Variants in SLC28A1 observed in about 807,000 individuals in gnomAD.
SLC28A1 encodes sodium/nucleoside cotransporter 1.
Under a neutral mutation model 74.8 loss-of-function variants are expected in SLC28A1, and 64 were observed. The observed-to-expected ratio is 0.86, with a 90% CI of 0.70 to 1.05. The LOEUF (loss-of-function observed/expected upper bound fraction) is 1.05. Among genes scored for constraint, SLC28A1 ranks in the 50% least tolerant of loss-of-function variants. The pLI, the probability that SLC28A1 is intolerant of heterozygous loss-of-function variation, is 0.00. For synonymous variants in SLC28A1, 359 were observed against 335.0 expected, an observed-to-expected ratio of 1.07 and a Z score of -0.78; for missense variants, 828 against 822.8, an observed-to-expected ratio of 1.01 and a Z score of -0.08.
At chr15:84,899,721 A>T (rs942460336) in intron 6 of SLC28A1, among the ~76,000 whole-genome samples, 1 of 152,156 alleles carries the variant, frequency 6.6e-6, no homozygotes, top group African/African-American at 2.4e-5. Flanking sequence ...TTTCAGACAT[A>T]AAAAGCAGAT....
intron 16 of SLC28A1, among the ~76,000 whole-genome samples, chr15:84,943,960 A>G (rs1973007985): frequency 6.6e-6 from 1 of 152,006 alleles, no homozygotes. Context: ...CTAGCCCTAG[A>G]ATTCCGATTC....
chr15:84,962,015 A>C, the SLC28A1 span, among the ~76,000 whole-genome samples: 3 of 152,108 alleles, frequency 2.0e-5, no homozygotes, highest in Non-Finnish European at 4.4e-5. Flanking sequence ...CATAAAAGCT[A>C]TCGGAAGTTG....
At chr15:84,958,395 T>C in the SLC28A1 span, among the ~76,000 whole-genome samples, 1 of 152,214 alleles carries the variant, frequency 6.6e-6, no homozygotes, top group Non-Finnish European at 1.5e-5. Flanking sequence ...GGTTATTCCC[T>C]CATTTTGGTA....
At chr15:84,906,042 A>T (rs1340824091) in intron 8 of SLC28A1, among the ~76,000 whole-genome samples, 1 of 149,746 alleles carries the variant, frequency 6.7e-6, no homozygotes, top group Non-Finnish European at 1.5e-5. Flanking sequence ...TCTTTCAAGA[A>T]GGAGTCTCGC....
At position 84,908,662 on chromosome 15, in the gene SLC28A1, C is replaced by T. The variant is rs947882476; in HGVS notation, c.718-56C>T. 4.8e-6 allele frequency: 7 copies of T among 1,468,204 alleles called. No individual in the cohort carries two copies. In the African/African-American group the frequency reaches 6.9e-5, roughly 14 times the overall value. 90.9% of individuals were successfully genotyped at this position (1,468,204 alleles called of 1,614,324 possible). A position where few individuals can be genotyped will look rare whatever the true frequency, so the allele number is the denominator to read the frequency against. Reference sequence around the variant, plus strand: ...CCTGTCTCTGGCCGCTGCTTCCTCCCTCCTCCCTTCCCAGCCTCACTGCCT... The same window carrying T: ...CCTGTCTCTGGCCGCTGCTTCCTCCTTCCTCCCTTCCCAGCCTCACTGCCT... On this transcript the variant is annotated intron_variant, in intron 8 of 18. Transcript: ENST00000394573.
chr15:84,885,731 C>T (rs367821980), intron 1 of SLC28A1, among the ~76,000 whole-genome samples: 1 of 104,382 alleles, frequency 9.6e-6, no homozygotes, highest in Non-Finnish European at 1.9e-5. Flanking sequence ...AACTCCGTCT[C>T]AAAAAAAAAA....
chr15:84,898,701 G>A (rs1966284448), intron 6 of SLC28A1, among the ~76,000 whole-genome samples: 1 of 152,124 alleles, frequency 6.6e-6, no homozygotes, highest in Non-Finnish European at 1.5e-5. Context: ...TGAGACAAGA[G>A]CTCTTAGATG....
At chr15:84,948,527 G>T (rs2079308859), downstream of SLC28A1, among the ~76,000 whole-genome samples, 1 of 152,122 alleles carries the variant, frequency 6.6e-6, no homozygotes, top group Admixed American at 6.6e-5. Context: ...TCTTGGGAAG[G>T]AATATGAATT....
At chr15:84,935,944 G>GTTTTTTTTTT (rs1555456047) in intron 15 of SLC28A1, among the ~76,000 whole-genome samples, 1 of 90,106 alleles carries the variant, frequency 1.1e-5, no homozygotes, top group Non-Finnish European at 2.1e-5. Flanking sequence ...GTTTTGGTTT[G>GTTTTTTTTTT]GTTTTTGTTT....
At chr15:84,973,668 C>T in the SLC28A1 span, among the ~76,000 whole-genome samples, 1 of 152,324 alleles carries the variant, frequency 6.6e-6, no homozygotes, top group African/African-American at 2.4e-5. Context: ...TCAGAGCTTC[C>T]TGTACATCAC....
rs1030637478 is a variant in SLC28A1, at chr15:84,894,964, C to T, written c.302C>T (p.Ala101Val). Reference sequence around the variant, plus strand: ...GGGCTCTCTGCCTTCCTGCTGGTGGCCTGCCTCCTGGATTTCCAGAGGGCC... The same window carrying T: ...GGGCTCTCTGCCTTCCTGCTGGTGGTCTGCCTCCTGGATTTCCAGAGGGCC... Reference protein sequence around the residue: ...CTGLSAFLLVACLLDFQRALA... With the variant: ...CTGLSAFLLVVCLLDFQRALA... The change falls in exon 6 of 19, where the codon GCC (alanine) becomes GTC (valine). Residue 101 changes from alanine (A) to valine (V), a missense_variant. This residue lies in a region of SLC28A1 where 767 missense variants were observed against 753.5 expected (regional missense o/e 1.02). Coordinates refer to ENST00000394573, the MANE Select transcript of SLC28A1 (RefSeq NM_004213.5). The T allele has an allele frequency of 1.2e-6, 2 of 1,614,170 alleles. No homozygotes were observed. The highest frequency in any genetic ancestry group is 2.2e-5 in the East Asian group (1 of 44,872).
Position 84,945,149 on chromosome 15 carries a change from G to T in SLC28A1, c.1899G>T (p.Glu633Asp), listed in dbSNP as rs763284132. 1 of 1,614,130 alleles carries T rather than the reference G, an allele frequency of 6.2e-7. No individual in the cohort carries two copies. Among genetic ancestry groups the T allele is most frequent in the South Asian group, 1.1e-5 (1 of 91,080 alleles). The change falls in exon 19 of 19, where the codon GAG becomes GAT. Residue 633 changes from glutamate to aspartate, a missense_variant. Around this residue, in one of 3 missense-constraint regions of SLC28A1, gnomAD observed 53 missense variants for 44.5 expected, o/e 1.19. Coordinates refer to ENST00000394573, the MANE Select transcript of SLC28A1 (RefSeq NM_004213.5). ...FQSVNPEFSP[E>D]ALDNCCRFYN... ...GCGTCAATCCAGAGTTCAGCCCAGA[G>T]GCCCTGGACAACTGCTGTCGGTTTT... is the stretch of plus-strand genomic sequence containing the variant.
chr15:84,949,714 G>A (rs2079353382), downstream of SLC28A1, among the ~76,000 whole-genome samples: 1 of 151,952 alleles, frequency 6.6e-6, no homozygotes, highest in African/African-American at 2.4e-5. Context: ...CCCAGCCTTA[G>A]GAAGGGTGTT....
the SLC28A1 span, among the ~76,000 whole-genome samples, chr15:84,956,688 A>G: frequency 2.1e-5 from 3 of 145,534 alleles, no homozygotes; most frequent in African/African-American, 7.7e-5. Context: ...TTTTTTTAAT[A>G]GAGATAAGGT....
chr15:84,974,918 G>C, the SLC28A1 span, among the ~76,000 whole-genome samples: 6 of 152,152 alleles, frequency 3.9e-5, no homozygotes, highest in African/African-American at 1.4e-4. Context: ...CATACCAGGA[G>C]TCAGTGCCTG....
At chr15:84,915,003 C>T (rs552694453) in intron 9 of SLC28A1, among the ~76,000 whole-genome samples, 7 of 152,286 alleles carry the variant, frequency 4.6e-5, no homozygotes, top group East Asian at 3.9e-4. Context: ...CCTGATGCCC[C>T]GGGCACTCTC....
chr15:84,918,743 C>T, intron 10 of SLC28A1, 139 bp downstream of exon 10: 4 of 748,536 alleles, frequency 5.3e-6, no homozygotes, highest in Non-Finnish European at 9.7e-6. Context: ...TTCCAGAGTC[C>T]CCTGTTCCCA....
rs147102016 is a variant in SLC28A1 at position 84,895,434 on chromosome 15, G to A, written c.461+311G>A. 4.6e-5 allele frequency: 75 copies of A among 1,613,866 alleles called. No individual in the cohort carries two copies. The African/African-American group carries it at 6.4e-4, about 14-fold the overall frequency. ...AATCAGTACCTCCCTCAGATCACCT[G>A]GACAGTGTGAGACAAAAAGCCGCAG... On this transcript the variant is annotated intron_variant, in intron 6 of 18. Transcript: ENST00000394573.
chr15:84,925,079 T>TG (rs951569567), intron 12 of SLC28A1, among the ~76,000 whole-genome samples: 6 of 140,696 alleles, frequency 4.3e-5, no homozygotes, highest in African/African-American at 1.6e-4. Context: ...TTTTTTTTTT[T>TG]TTTTTTTTTT....
Sources: allele counts gnomAD v4.1 joint callset (sites outside exome capture counted in the v4.1 genomes callset), GRCh38; gene constraint gnomAD v4.1.1; regional missense constraint gnomAD v4.1.1; transcripts MANE v1.5; gene names NCBI Gene and HGNC (gene_info 2026-07-23, HGNC 2026-07-21).